The following TRANK1 variants were observed in gnomAD, a reference collection of about 807,000 sequenced individuals.
TRANK1 encodes the protein TPR and ankyrin repeat-containing protein 1.
TRANK1 carries 198 observed loss-of-function variants against 266.0 expected under a neutral mutation model. The ratio of observed to expected loss-of-function variants is 0.74; its 90% CI spans 0.66 to 0.84. The LOEUF is 0.84. Ranked by LOEUF, TRANK1 falls within the 40% of genes least tolerant of loss-of-function variation. The pLI is 0.00. For synonymous variants in TRANK1, 1,396 were observed against 1,384.1 expected, an observed-to-expected ratio of 1.01 and a Z score of -0.19; for missense variants, 3,326 against 3,634.6, an observed-to-expected ratio of 0.92 and a Z score of 2.18.
At chr3:36,919,648 G>A (rs2080187690) in intron 1 of TRANK1, among the ~76,000 whole-genome samples, 3 of 152,226 alleles carry the variant, frequency 2.0e-5, no homozygotes, top group African/African-American at 7.2e-5. Flanking sequence ...GATCTGCTGA[G>A]TGACAGGGAA....
At chr3:36,895,195 T>C (rs1054394101) in intron 5 of TRANK1, among the ~76,000 whole-genome samples, 1 of 152,168 alleles carries the variant, frequency 6.6e-6, no homozygotes, top group Non-Finnish European at 1.5e-5. Context: ...ATTCCATGGA[T>C]TCCTGGCCCT....
intron 10 of TRANK1, among the ~76,000 whole-genome samples, chr3:36,861,941 G>A (rs1004904845): frequency 1.3e-5 from 2 of 151,938 alleles, no homozygotes; most frequent in African/African-American, 4.8e-5. Context: ...TCCTGACCTC[G>A]TGATCTGCCC....
In TRANK1 at chr3:36,879,571, T is replaced by TAAATATAC. The variant is rs1553624192; in HGVS notation, c.908-5276_908-5275insGTATATTT. ...ATATCTATATAAATATATAAATATA[T>TAAATATAC]AAATATATATAAATATACAAATATA... On this transcript the variant is annotated intron_variant, in intron 8 of 23. Coordinates refer to ENST00000645898, the MANE Select transcript of TRANK1 (RefSeq NM_001329998.2). Among the ~76,000 whole-genome samples, 219 of 105,490 alleles carry TAAATATAC rather than the reference T, an allele frequency of 2.1e-3. 60 individuals are homozygous for TAAATATAC. The highest frequency in any genetic ancestry group is 0.01 in the Middle Eastern group (2 of 196). The allele number at this position is 105,490 out of a possible 152,430, so 69.2% of individuals were successfully genotyped here.
intron 4 of TRANK1, 39 bp from the exon 5 acceptor site, chr3:36,895,797 G>A (rs955757180): frequency 6.5e-6 from 9 of 1,390,172 alleles, no homozygotes; most frequent in South Asian, 1.3e-5. Flanking sequence ...TTTAATGTGG[G>A]GAAAGTCTAC....
intron 1 of TRANK1, among the ~76,000 whole-genome samples, chr3:36,944,105 A>T (rs532323461): frequency 1.6e-4 from 24 of 151,946 alleles, no homozygotes; most frequent in African/African-American, 4.6e-4. Context: ...CAGGCAACAG[A>T]CTCCGAGCTC....
At chr3:36,895,367 T>C (rs1403172667) in intron 5 of TRANK1, among the ~76,000 whole-genome samples, 1 of 152,240 alleles carries the variant, frequency 6.6e-6, no homozygotes, top group Non-Finnish European at 1.5e-5. Context: ...GCTTTGTTTT[T>C]CTCATTCCAT....
chr3:36,944,772 C>G lies in TRANK1; in HGVS notation c.23+15G>C, dbSNP rs1245306305. The G allele has an allele frequency of 5.3e-6, 8 of 1,498,506 alleles. No homozygotes were observed. Among genetic ancestry groups the G allele is most frequent in the Non-Finnish European group, 7.1e-6 (8 of 1,130,968 alleles). 92.8% of individuals were successfully genotyped at this position (1,498,506 alleles called of 1,614,324 possible). On this transcript the variant is annotated intron_variant, in intron 1 of 23. Transcript: ENST00000645898. Reference sequence around the variant, plus strand: ...AGGCCAGAGATGCCCCAGTGCTTCCCGCGCCGCTACGCACCTAGCTGCCCG... The same window carrying G: ...AGGCCAGAGATGCCCCAGTGCTTCCGGCGCCGCTACGCACCTAGCTGCCCG...
chr3:36,920,579 CT>C (rs2080200598), intron 1 of TRANK1, among the ~76,000 whole-genome samples: 1 of 152,204 alleles, frequency 6.6e-6, no homozygotes, highest in Non-Finnish European at 1.5e-5. Context: ...AAGAGAATCT[CT>C]CTATTACACA....
At chr3:36,869,135 T>C (rs2079269466) in intron 9 of TRANK1, among the ~76,000 whole-genome samples, 1 of 152,256 alleles carries the variant, frequency 6.6e-6, no homozygotes, top group South Asian at 2.1e-4. Flanking sequence ...AAGTGGTCCC[T>C]GGCTTGCCCT....
At chr3:36,870,035 A>G (rs1006150957) in intron 9 of TRANK1, among the ~76,000 whole-genome samples, 3 of 152,278 alleles carry the variant, frequency 2.0e-5, no homozygotes, top group Non-Finnish European at 4.4e-5. Context: ...ATAAAGGAAC[A>G]GTGATATTCA....
intron 9 of TRANK1, among the ~76,000 whole-genome samples, chr3:36,872,002 T>C (rs770017098): frequency 6.6e-6 from 1 of 152,234 alleles, no homozygotes; most frequent in Non-Finnish European, 1.5e-5. Context: ...AAATAAATGC[T>C]TACCAACTAT....
chr3:36,875,382 G>C (rs2079372115), intron 8 of TRANK1, among the ~76,000 whole-genome samples: 1 of 152,220 alleles, frequency 6.6e-6, no homozygotes, highest in Non-Finnish European at 1.5e-5. Flanking sequence ...CAGAAGTCAA[G>C]AGCAGCCTCT....
At chr3:36,883,883 C>T (rs1376876901) in intron 8 of TRANK1, among the ~76,000 whole-genome samples, 1 of 152,068 alleles carries the variant, frequency 6.6e-6, no homozygotes, top group African/African-American at 2.4e-5. Flanking sequence ...AAATTACTAA[C>T]AAAACCATGG....
intron 1 of TRANK1, among the ~76,000 whole-genome samples, chr3:36,916,954 T>C (rs1337550554): frequency 1.3e-5 from 2 of 152,068 alleles, no homozygotes; most frequent in Non-Finnish European, 2.9e-5. Flanking sequence ...TAGCTGGGAT[T>C]ACAGATGTAC....
chr3:36,943,727 C>G lies in TRANK1; in HGVS notation c.23+1060G>C, dbSNP rs1023720823. On this transcript the variant is annotated intron_variant, in intron 1 of 23. Transcript: ENST00000645898. ...ATCCTGGAACCCAAAACGCTCAGCA[C>G]GAGGGAGCAGGAGCGCATACCTACG... Among the ~76,000 whole-genome samples, 10 of 151,426 alleles carry G rather than the reference C, an allele frequency of 6.6e-5. 1 individual carries two copies. The highest frequency in any genetic ancestry group is 5.3e-4 in the Admixed American group (8 of 15,196).
Position 36,903,284 on chromosome 3 carries a change from A to T in TRANK1, c.156-9T>A. 1 of 1,536,610 alleles carries T rather than the reference A, an allele frequency of 6.5e-7. No homozygotes were observed. The highest frequency in any genetic ancestry group is 8.7e-7 in the Non-Finnish European group (1 of 1,146,416). On this transcript the variant is annotated splice_polypyrimidine_tract_variant and intron_variant, in intron 2 of 23. Coordinates refer to ENST00000645898, the MANE Select transcript of TRANK1 (RefSeq NM_001329998.2). ...AGTCCCTCGGGGGAACCCTGTAAGA[A>T]CAAACCGGTGGTCTGTCATGGTTCT...
Position 36,895,497 on chromosome 3 carries a change from T to C in TRANK1, c.552+143A>G, listed in dbSNP as rs1575278655. The stretch of plus-strand genomic sequence containing the variant: ...CTAATTAATCTATCTCAAAGACTTT[T>C]CATCTTTAATGATATCCTAGTTAAA... On this transcript the variant is annotated intron_variant, in intron 5 of 23. Transcript: ENST00000645898. 2.2e-5 allele frequency: 12 copies of C among 535,180 alleles called. No homozygotes were observed. In the South Asian group the frequency reaches 3.7e-4, roughly 16 times the overall value. The allele number at this position is 535,180 out of a possible 1,614,324, so 33.2% of individuals were successfully genotyped here. A position where few individuals can be genotyped will look rare whatever the true frequency, so the allele number is the denominator to read the frequency against.
chr3:36,906,162 C>T (rs546512459), intron 2 of TRANK1, among the ~76,000 whole-genome samples: 74 of 152,346 alleles, frequency 4.9e-4, no homozygotes, highest in African/African-American at 1.7e-3. Context: ...TGTACCAGGA[C>T]AAGGCAGAAC....
chr3:36,844,753 A>G (rs148823374), intron 17 of TRANK1, among the ~76,000 whole-genome samples: 134 of 152,328 alleles, frequency 8.8e-4, no homozygotes, highest in African/African-American at 3.0e-3. Context: ...ACAATAGTCA[A>G]GTCTTAGGAT....
Sources: gnomAD v4.1 joint callset for allele counts (sites outside exome capture counted in the v4.1 genomes callset) on GRCh38, gnomAD v4.1.1 for gene constraint, MANE v1.5 for transcripts, NCBI Gene and HGNC (gene_info 2026-07-23, HGNC 2026-07-21) for gene names.